STPG2: variants seen among roughly 807,000 people sequenced by gnomAD.
STPG2 encodes the protein sperm-tail PG-rich repeat-containing protein 2.
A neutral mutation model predicts 54.2 loss-of-function variants in STPG2; 56 were observed. The observed-to-expected ratio is 1.03, with a 90% CI of 0.83 to 1.29. The LOEUF (loss-of-function observed/expected upper bound fraction) is 1.29. Ranked by LOEUF, STPG2 falls within the 50% of genes most tolerant of loss-of-function variation. STPG2 has a pLI of 0.00. For synonymous variants in STPG2, 200 were observed against 181.8 expected (o/e 1.10, Z -0.81); for missense variants, 596 against 544.9 (o/e 1.09, Z -0.93).
intron 10 of STPG2, among the ~76,000 whole-genome samples, chr4:97,668,535 TAGAAAGAATAGC>T (rs1313764657): frequency 6.6e-6 from 1 of 151,298 alleles, no homozygotes. Flanking sequence ...ACTGTGAGAA[TAGAAAGAATAGC>T]ATGAATTCAA....
At chr4:97,505,296 G>T (rs1372592353) in intron 4 of STPG2, among the ~76,000 whole-genome samples, 1 of 151,872 alleles carries the variant, frequency 6.6e-6, no homozygotes, top group African/African-American at 2.4e-5. Flanking sequence ...GTACCCTCAG[G>T]TGATGTTTGC....
At chr4:97,938,708 T>A (rs1578711273) in intron 8 of STPG2, among the ~76,000 whole-genome samples, 1 of 152,164 alleles carries the variant, frequency 6.6e-6, no homozygotes, top group South Asian at 2.1e-4. Flanking sequence ...GTGCTGGAGG[T>A]GCCCCTTACC....
intron 10 of STPG2, among the ~76,000 whole-genome samples, chr4:97,579,400 A>G (rs1270593672): frequency 1.3e-5 from 2 of 152,104 alleles, no homozygotes; most frequent in Non-Finnish European, 2.9e-5. Context: ...AAAAAATTTA[A>G]TCTCAAAATT....
At chr4:98,024,488 C>T (rs1736348798) in intron 5 of STPG2, among the ~76,000 whole-genome samples, 1 of 152,158 alleles carries the variant, frequency 6.6e-6, no homozygotes, top group Non-Finnish European at 1.5e-5. Context: ...CAACGAAACA[C>T]CATTTCTCCC....
intron 9 of STPG2, among the ~76,000 whole-genome samples, chr4:97,732,551 C>A (rs1724835841): frequency 6.6e-6 from 1 of 151,742 alleles, no homozygotes; most frequent in African/African-American, 2.4e-5. Context: ...ACAAATGCAA[C>A]AAAAAGAAAA....
intron 10 of STPG2, among the ~76,000 whole-genome samples, chr4:97,639,721 C>A (rs192134034): frequency 6.6e-6 from 1 of 151,774 alleles, no homozygotes; most frequent in African/African-American, 2.4e-5. Flanking sequence ...TCTGTGACAG[C>A]GAATTTGGGA....
At chr4:98,124,160 C>T (rs1479185041) in intron 3 of STPG2, among the ~76,000 whole-genome samples, 1 of 152,126 alleles carries the variant, frequency 6.6e-6, no homozygotes, top group Non-Finnish European at 1.5e-5. Context: ...TTTATTGGGG[C>T]ATTTAGTCCA....
At chr4:97,639,183 A>G (rs888573829) in intron 10 of STPG2, among the ~76,000 whole-genome samples, 1 of 152,134 alleles carries the variant, frequency 6.6e-6, no homozygotes, top group African/African-American at 2.4e-5. Context: ...TGATGAGTTC[A>G]TGTCCTTTGT....
At position 97,977,828 on chromosome 4, in the gene STPG2, G is replaced by A. The variant is rs148697103; in HGVS notation, c.772+3331C>T. Among the ~76,000 whole-genome samples the A allele has an allele frequency of 2.0e-3, 312 of 152,264 alleles. 2 individuals are homozygous for A. Among genetic ancestry groups the A allele is most frequent in the African/African-American group, 7.3e-3 (302 of 41,546 alleles). On this transcript the variant is annotated intron_variant, in intron 6 of 10. Coordinates refer to ENST00000295268, the MANE Select transcript of STPG2 (RefSeq NM_174952.3). ...GCAGCGACTTTGGAATCAGACAATC[G>A]GTCAGAAACTAGAGCGACCTGATGA...
At chr4:97,796,284 G>A (rs376486293) in intron 9 of STPG2, among the ~76,000 whole-genome samples, 4 of 152,288 alleles carry the variant, frequency 2.6e-5, no homozygotes, top group African/African-American at 7.2e-5. Flanking sequence ...CCATGCCTAC[G>A]ATCTAAATGG....
chr4:97,599,833 A>AAAAAAAAAG (rs542582284), intron 10 of STPG2, among the ~76,000 whole-genome samples: 1 of 147,168 alleles, frequency 6.8e-6, no homozygotes, highest in African/African-American at 2.7e-5. Context: ...CAAAAAAAAA[A>AAAAAAAAAG]AAAAGAAAAG....
At chr4:98,059,386 GAGCTCC>G (rs1737575238) in intron 5 of STPG2, among the ~76,000 whole-genome samples, 1 of 151,842 alleles carries the variant, frequency 6.6e-6, no homozygotes, top group Admixed American at 6.6e-5. Flanking sequence ...GACTGAAAAT[GAGCTCC>G]AAAACTGAAT....
chr4:98,143,390 C>T lies in STPG2; in HGVS notation c.-240G>A. On this transcript the variant is annotated 5_prime_UTR_variant, in exon 1 of 11. Transcript: ENST00000295268. ...GAGGGGTGAGCGACTAGAGATTAGA[C>T]GTCCCACACAATCATCAGTTTGCCA... 2.0e-6 allele frequency: 1 copy of T among 495,486 alleles called. No individual in the cohort carries two copies. Among genetic ancestry groups the T allele is most frequent in the Non-Finnish European group, 3.6e-6 (1 of 274,366 alleles). The allele number at this position is 495,486 out of a possible 1,614,324, so 30.7% of individuals were successfully genotyped here. A position where few individuals can be genotyped will look rare whatever the true frequency, so the allele number is the denominator to read the frequency against.
Position 98,021,282 on chromosome 4 carries a change from T to G in STPG2, c.613-39964A>C, listed in dbSNP as rs190951285. ...TGCCTTCATTTTGTTATTTACCCAG[T>G]AGTCATTCAGGAGCAGGTTGTTCAG... On this transcript the variant is annotated intron_variant, in intron 5 of 10. Coordinates refer to ENST00000295268, the MANE Select transcript of STPG2 (RefSeq NM_174952.3). 7.1e-3 allele frequency among the ~76,000 whole-genome samples: 879 copies of G among 124,494 alleles called. 226 individuals carry two copies. Among genetic ancestry groups the G allele is most frequent in the African/African-American group, 0.027 (843 of 31,662 alleles). 81.7% of individuals were successfully genotyped at this position (124,494 alleles called of 152,430 possible).
intron 10 of STPG2, among the ~76,000 whole-genome samples, chr4:97,639,097 A>G (rs538282685): frequency 0.017 from 2,610 of 152,130 alleles, 63 homozygotes; most frequent in African/African-American, 0.058. Flanking sequence ...AACCAACCCA[A>G]ATGTCCAACA....
intron 9 of STPG2, among the ~76,000 whole-genome samples, chr4:97,836,236 T>A (rs1272710758): frequency 6.6e-6 from 1 of 151,950 alleles, no homozygotes; most frequent in Non-Finnish European, 1.5e-5. Context: ...ATTGTTGTCT[T>A]ATTTTAAGAA....
chr4:97,519,012 A>G (rs1442426481), intron 4 of STPG2, among the ~76,000 whole-genome samples: 1 of 152,092 alleles, frequency 6.6e-6, no homozygotes, highest in Non-Finnish European at 1.5e-5. Context: ...AGAACTTTAG[A>G]TTCTAAGGGA....
chr4:97,802,457 C>CAT lies in STPG2; in HGVS notation c.1204+38314_1204+38315dup, dbSNP rs540304488. ...TCTAGTTTTCTATCAAGTAAATATACATATATATATGAAGTTAAATATATA... is the reference window on the plus strand; with the variant it reads ...TCTAGTTTTCTATCAAGTAAATATACATATATATATATGAAGTTAAATATATA... On this transcript the variant is annotated intron_variant, in intron 9 of 10. Transcript: ENST00000295268. Among the ~76,000 whole-genome samples, 42 of 152,064 alleles carry CAT rather than the reference C, an allele frequency of 2.8e-4. 1 individual carries two copies. The South Asian group carries it at 8.1e-3, about 29-fold the overall frequency.
At position 97,939,075 on chromosome 4, in the gene STPG2, C is replaced by T. The variant is rs577974124; in HGVS notation, c.1044+4822G>A. 5.6e-4 allele frequency among the ~76,000 whole-genome samples: 86 copies of T among 152,254 alleles called. 1 individual carries two copies. The highest frequency in any genetic ancestry group is 1.4e-3 in the Admixed American group (21 of 15,288). ...TTAATTTCATTATTTACCCAAAAGT[C>T]ATTCAGAAGCATGTTGTTTAATTTC... is the stretch of plus-strand genomic sequence containing the variant. On this transcript the variant is annotated intron_variant, in intron 8 of 10. Transcript: ENST00000295268.
Sources: gnomAD v4.1 joint callset for allele counts (sites outside exome capture counted in the v4.1 genomes callset) on GRCh38, gnomAD v4.1.1 for gene constraint, MANE v1.5 for transcripts, NCBI Gene and HGNC (gene_info 2026-07-23, HGNC 2026-07-21) for gene names.